The following PARVB variants were observed in gnomAD, a reference collection of about 807,000 sequenced individuals.
The protein encoded by PARVB is beta-parvin.
PARVB carries 46 observed loss-of-function variants against 47.0 expected under a neutral mutation model. The ratio of observed to expected loss-of-function variants is 0.98; its 90% CI spans 0.77 to 1.25. PARVB has a LOEUF of 1.25. Among genes scored for constraint, PARVB ranks in the 50% most tolerant of loss-of-function variants. The pLI, the probability that PARVB is intolerant of heterozygous loss-of-function variation, is 0.00. For synonymous variants in PARVB, 196 were observed against 196.3 expected (o/e 1.00, Z 0.01); for missense variants, 473 against 471.6 (o/e 1.00, Z -0.03).
At chr22:44,081,926 CT>C (rs1310158537) in intron 1 of PARVB, among the ~76,000 whole-genome samples, 1 of 152,206 alleles carries the variant, frequency 6.6e-6, no homozygotes, top group Non-Finnish European at 1.5e-5. Flanking sequence ...GAAGTACCCC[CT>C]GAAAGCCAGC....
chr22:44,167,041 T>C (rs2054183152), intron 12 of PARVB, among the ~76,000 whole-genome samples: 1 of 152,080 alleles, frequency 6.6e-6, no homozygotes, highest in Admixed American at 6.5e-5. Flanking sequence ...AGCAGAGCAG[T>C]CTCACACCCC....
intron 2 of PARVB, among the ~76,000 whole-genome samples, chr22:44,011,494 C>T (rs1387779599): frequency 6.6e-6 from 1 of 152,020 alleles, no homozygotes. Flanking sequence ...GCCTGTAATC[C>T]CAGCTGCTCG....
chr22:44,106,221 G>A (rs1216637563), intron 3 of PARVB: 1 of 151,254 alleles, frequency 6.6e-6, no homozygotes, highest in Non-Finnish European at 1.5e-5. Flanking sequence ...GAGGGGGTGA[G>A]GGTTGGGGTA....
At position 44,131,136 on chromosome 22, in the gene PARVB, T is replaced by A. The variant is rs766453667; in HGVS notation, c.377-351T>A. Among the ~76,000 whole-genome samples the A allele has an allele frequency of 1.2e-4, 3 of 25,410 alleles. No homozygotes were observed. The East Asian group carries it at 7.1e-3, about 60-fold the overall frequency. 16.7% of individuals were successfully genotyped at this position (25,410 alleles called of 152,430 possible). ...TCCTTCCTTCCTTTTTCTTTCTTTC[T>A]CTCTCTCTCTCTCTCTCTTTCTGAG... is the stretch of plus-strand genomic sequence containing the variant. On this transcript the variant is annotated intron_variant, in intron 4 of 12. Coordinates refer to ENST00000338758, the MANE Select transcript of PARVB (RefSeq NM_013327.5).
intron 1 of PARVB, among the ~76,000 whole-genome samples, chr22:44,043,009 C>T (rs1051892863): frequency 6.6e-6 from 1 of 152,118 alleles, no homozygotes; most frequent in Non-Finnish European, 1.5e-5. Flanking sequence ...CCCAGATGTC[C>T]GTTAACTGAT....
chr22:44,009,924 A>G (rs1490996844), intron 2 of PARVB, among the ~76,000 whole-genome samples: 3 of 150,460 alleles, frequency 2.0e-5, no homozygotes, highest in African/African-American at 7.4e-5. Flanking sequence ...TCTCTGCCTC[A>G]GCCTCTCGAG....
chr22:44,117,144 G>A (rs1388169075), intron 3 of PARVB, among the ~76,000 whole-genome samples: 5 of 152,174 alleles, frequency 3.3e-5, no homozygotes, highest in African/African-American at 1.2e-4. Flanking sequence ...CCGCCCCGTG[G>A]CAGGGGCATG....
chr22:44,155,410 C>T lies in PARVB; in HGVS notation c.844-2572C>T, dbSNP rs983674837. The stretch of plus-strand genomic sequence containing the variant: ...GTGCTTGTGAAAGTGGAGGGTCACC[C>T]GCTCGCAGCTGGGCCCCCCAGCCCT... On this transcript the variant is annotated intron_variant, in intron 10 of 12. Transcript: ENST00000338758. The surrounding 1 kb of genome is among the most constrained non-coding windows in gnomAD (Gnocchi z 4.8). Among the ~76,000 whole-genome samples, 11 of 152,274 alleles carry T rather than the reference C, an allele frequency of 7.2e-5. No individual in the cohort carries two copies. The highest frequency in any genetic ancestry group is 1.0e-4 in the Non-Finnish European group (7 of 68,012).
intron 1 of PARVB, among the ~76,000 whole-genome samples, chr22:44,058,982 G>A (rs183761543): frequency 1.1e-3 from 81 of 71,686 alleles, no homozygotes; most frequent in African/African-American, 4.7e-3. Context: ...GGGTGTGATG[G>A]GGGGGGGAAA....
chr22:44,171,360 G>A lies in PARVB; in HGVS notation c.*2682G>A, dbSNP rs1601719361. The A allele has an allele frequency of 6.6e-6, 1 of 152,050 alleles. No homozygotes were observed. The highest frequency in any genetic ancestry group is 6.6e-5 in the Admixed American group (1 of 15,258). The allele number at this position is 152,050 out of a possible 1,614,324, so 9.4% of individuals were successfully genotyped here. On this transcript the variant is annotated 3_prime_UTR_variant, in exon 13 of 13. Coordinates refer to ENST00000338758, the MANE Select transcript of PARVB (RefSeq NM_013327.5). ...AAAATACAAAAATTAGCCATGCATG[G>A]TATGTATGCCTGTAATCCCAGCTAT... is the stretch of plus-strand genomic sequence containing the variant.
intron 3 of PARVB, chr22:44,108,551 C>T (rs141787913): frequency 0.014 from 2,126 of 152,358 alleles, 23 homozygotes; most frequent in Non-Finnish European, 0.02. Context: ...TGGGTGCAGG[C>T]GGGCTGAGTC....
intron 1 of PARVB, among the ~76,000 whole-genome samples, chr22:44,041,461 C>G (rs1045945503): frequency 6.6e-6 from 1 of 151,902 alleles, no homozygotes; most frequent in Admixed American, 6.6e-5. Context: ...CACTGCACTC[C>G]GGCCAGGGTG....
Position 44,033,026 on chromosome 22 carries a change from G to A in PARVB, c.112+8575G>A, listed in dbSNP as rs571003315. Among the ~76,000 whole-genome samples the A allele has an allele frequency of 3.3e-5, 5 of 152,174 alleles. No homozygotes were observed. The South Asian group carries it at 1.0e-3, about 32-fold the overall frequency. ...AGTTGTGTGAATCGTTTAAGATATT[G>A]CAGTGAGAATGTTGGTATCTTAACT... On this transcript the variant is annotated intron_variant, in intron 1 of 12. Transcript: ENST00000338758.
upstream of PARVB, among the ~76,000 whole-genome samples, chr22:44,021,241 G>A (rs917170183): frequency 6.6e-6 from 1 of 152,216 alleles, no homozygotes; most frequent in African/African-American, 2.4e-5. Flanking sequence ...TTCCTCCTGG[G>A]CGGGAGGCTG....
upstream of PARVB, among the ~76,000 whole-genome samples, chr22:44,023,919 C>A (rs2050685495): frequency 6.6e-6 from 1 of 152,236 alleles, no homozygotes; most frequent in Admixed American, 6.5e-5. Context: ...CCGGGCCTGG[C>A]TCTTGGCAGA....
chr22:44,042,603 A>C (rs1246699665), intron 1 of PARVB, among the ~76,000 whole-genome samples: 1 of 152,174 alleles, frequency 6.6e-6, no homozygotes, highest in African/African-American at 2.4e-5. Flanking sequence ...TTGTTAGGGG[A>C]AGAGAGTGTT....
intron 1 of PARVB, among the ~76,000 whole-genome samples, chr22:44,043,895 C>G (rs1211405788): frequency 6.6e-6 from 1 of 152,174 alleles, no homozygotes; most frequent in Admixed American, 6.5e-5. Flanking sequence ...CTTCCTCCTC[C>G]TCCTCATCTT....
At chr22:44,033,626 C>T (rs2050863167) in intron 1 of PARVB, among the ~76,000 whole-genome samples, 1 of 152,188 alleles carries the variant, frequency 6.6e-6, no homozygotes, top group Non-Finnish European at 1.5e-5. Flanking sequence ...CTTTACCTGC[C>T]AGCCACCCAC....
intron 12 of PARVB, 33 bp downstream of exon 12, chr22:44,163,963 G>A (rs751875853): frequency 6.5e-7 from 1 of 1,542,808 alleles, no homozygotes; most frequent in South Asian, 1.2e-5. Flanking sequence ...CCCCGGGAGA[G>A]GTGCGCACGG....
Sources: gnomAD v4.1 joint callset for allele counts (sites outside exome capture counted in the v4.1 genomes callset) on GRCh38, gnomAD v4.1.1 for gene constraint, Gnocchi (gnomAD v3.1) non-coding constraint, MANE v1.5 for transcripts, NCBI Gene and HGNC (gene_info 2026-07-23, HGNC 2026-07-21) for gene names.